FAR2: variants seen among roughly 807,000 people sequenced by gnomAD.
The protein encoded by FAR2 is fatty acyl-CoA reductase 2, also known as epididymis secretory protein Li 81.
Under a neutral mutation model 56.0 loss-of-function variants are expected in FAR2, and 19 were observed. The observed-to-expected ratio is 0.34, with a 90% CI of 0.24 to 0.50. The LOEUF (loss-of-function observed/expected upper bound fraction) is 0.50. Ranked by LOEUF, FAR2 falls within the 20% of genes least tolerant of loss-of-function variation. The probability of loss-of-function intolerance (pLI) is 0.98; values close to 1 mark genes in which losing one functional copy is unlikely to be tolerated. For missense variants in FAR2, 508 were observed against 642.2 expected, an observed-to-expected ratio of 0.79 and a Z score of 2.26; for synonymous variants, 219 against 218.8, an observed-to-expected ratio of 1.00 and a Z score of -0.01.
chr12:29,178,055 A>G (rs992001851), intron 1 of FAR2, among the ~76,000 whole-genome samples: 5 of 152,174 alleles, frequency 3.3e-5, no homozygotes, highest in African/African-American at 7.2e-5. Context: ...ATCTCATGTG[A>G]GACACACACT....
At chr12:29,194,843 G>T (rs1387257676) in intron 1 of FAR2, among the ~76,000 whole-genome samples, 1 of 152,100 alleles carries the variant, frequency 6.6e-6, no homozygotes, top group Non-Finnish European at 1.5e-5. Flanking sequence ...AAAGATGTCT[G>T]CAGTCAAACG....
chr12:29,221,607 C>A (rs1218260782), intron 1 of FAR2, among the ~76,000 whole-genome samples: 2 of 151,500 alleles, frequency 1.3e-5, no homozygotes, highest in Admixed American at 6.6e-5. Context: ...TCAAGTTTGT[C>A]AAATTATTTT....
Position 29,211,310 on chromosome 12 carries a change from C to A in FAR2, c.-38-59102C>A, listed in dbSNP as rs1189455360. 9.2e-5 allele frequency among the ~76,000 whole-genome samples: 14 copies of A among 152,112 alleles called. 1 individual carries two copies. The highest frequency in any genetic ancestry group is 8.5e-4 in the Admixed American group (13 of 15,266). ...CGTCTCAAAAAGAAAAAAAGAATAT[C>A]TTGAATATCTTGTGGGTGTTCTTAC... is the stretch of plus-strand genomic sequence containing the variant. On this transcript the variant is annotated intron_variant, in intron 1 of 11. Coordinates refer to ENST00000536681, the MANE Select transcript of FAR2 (RefSeq NM_001271783.2).
At position 29,321,906 on chromosome 12, in the gene FAR2, G is replaced by C. The variant is rs761114728; in HGVS notation, c.1239G>C (p.Leu413=). The C allele has an allele frequency of 4.3e-6, 7 of 1,613,050 alleles. No homozygotes were observed. In the East Asian group the frequency reaches 1.6e-4, roughly 36 times the overall value. ...TYNTEMLMSE[L]SPEDQRVFNF... ...ATACAGAAATGCTGATGTCTGAGCT[G>C]AGTCCTGAAGACCAGAGAGTAAGTA... Residue 413 remains leucine (L), a synonymous_variant, in exon 10 of 12, where the codon CTG becomes CTC. Transcript: ENST00000536681.
chr12:29,158,721 C>T (rs745869476), intron 1 of FAR2, among the ~76,000 whole-genome samples: 2 of 152,218 alleles, frequency 1.3e-5, no homozygotes, highest in Non-Finnish European at 2.9e-5. Flanking sequence ...ATCTTGTCTA[C>T]AGTACATAGT....
chr12:29,261,073 C>T (rs143543811), intron 1 of FAR2, among the ~76,000 whole-genome samples: 3 of 152,312 alleles, frequency 2.0e-5, no homozygotes, highest in African/African-American at 7.2e-5. Context: ...CAATAAATAC[C>T]TGATGCTTAA....
intron 1 of FAR2, among the ~76,000 whole-genome samples, chr12:29,250,867 C>T (rs1206345992): frequency 6.6e-6 from 1 of 152,170 alleles, no homozygotes; most frequent in Non-Finnish European, 1.5e-5. Flanking sequence ...TGTGATCACC[C>T]TTCCTGAAAA....
At chr12:29,262,397 C>T (rs1460475379) in intron 1 of FAR2, among the ~76,000 whole-genome samples, 1 of 151,992 alleles carries the variant, frequency 6.6e-6, no homozygotes, top group Non-Finnish European at 1.5e-5. Flanking sequence ...TTGAGAGACC[C>T]AGGCAGGCAG....
At chr12:29,254,715 G>A (rs1948287576) in intron 1 of FAR2, among the ~76,000 whole-genome samples, 1 of 152,148 alleles carries the variant, frequency 6.6e-6, no homozygotes, top group South Asian at 2.1e-4. Flanking sequence ...ACTTTGGGAG[G>A]CCGAGGCAGG....
chr12:29,270,292 ACTGT>A, intron 1 of FAR2, 116 bp from the exon 2 acceptor site: 1 of 645,436 alleles, frequency 1.5e-6, no homozygotes, highest in Non-Finnish European at 2.5e-6. Flanking sequence ...CGATGCTCTC[ACTGT>A]CTGACCTATT....
intron 1 of FAR2, among the ~76,000 whole-genome samples, chr12:29,226,393 AC>A (rs2136644981): frequency 6.6e-6 from 1 of 152,320 alleles, no homozygotes; most frequent in African/African-American, 2.4e-5. Context: ...GAACTCTTGT[AC>A]TTTTCATTTA....
At chr12:29,323,936 A>C (rs1203410848) in intron 10 of FAR2, among the ~76,000 whole-genome samples, 2 of 152,174 alleles carry the variant, frequency 1.3e-5, no homozygotes, top group Non-Finnish European at 2.9e-5. Context: ...GCTTCAGAAG[A>C]TCAAATTACT....
intron 1 of FAR2, among the ~76,000 whole-genome samples, chr12:29,150,959 A>G (rs1949677271): frequency 6.6e-6 from 1 of 152,224 alleles, no homozygotes; most frequent in African/African-American, 2.4e-5. Context: ...CTAAAATGTG[A>G]CATCCAGTTA....
intron 1 of FAR2, among the ~76,000 whole-genome samples, chr12:29,168,096 A>G (rs1260060484): frequency 6.6e-6 from 1 of 152,218 alleles, no homozygotes. Context: ...TGGGATCTTG[A>G]TAACGTGTCA....
intron 4 of FAR2, among the ~76,000 whole-genome samples, chr12:29,306,590 A>G (rs1167697747): frequency 2.0e-5 from 3 of 152,228 alleles, no homozygotes; most frequent in African/African-American, 7.2e-5. Context: ...TCGGCAGCTT[A>G]ATTTTTAAAA....
chr12:29,251,985 T>A (rs1252718824), intron 1 of FAR2, among the ~76,000 whole-genome samples: 1 of 152,254 alleles, frequency 6.6e-6, no homozygotes. Flanking sequence ...TTGAAGGTCT[T>A]AGTTCGAGAG....
chr12:29,216,234 C>A (rs1394757098), intron 1 of FAR2, among the ~76,000 whole-genome samples: 1 of 152,216 alleles, frequency 6.6e-6, no homozygotes, highest in African/African-American at 2.4e-5. Flanking sequence ...TTCAGGGAAG[C>A]CTTTTTAGAA....
intron 1 of FAR2, chr12:29,171,711 G>C (rs1949888370): frequency 6.7e-6 from 1 of 150,328 alleles, no homozygotes; most frequent in African/African-American, 2.5e-5. Flanking sequence ...CATGTGAGGA[G>C]CACCTCGGAC....
At chr12:29,228,667 A>G (rs1947806450) in intron 1 of FAR2, among the ~76,000 whole-genome samples, 1 of 152,172 alleles carries the variant, frequency 6.6e-6, no homozygotes, top group Non-Finnish European at 1.5e-5. Context: ...GACTCACTGC[A>G]GTCTCTGCCT....
Sources: gnomAD v4.1 joint callset for allele counts (sites outside exome capture counted in the v4.1 genomes callset) on GRCh38, gnomAD v4.1.1 for gene constraint, MANE v1.5 for transcripts, NCBI Gene and HGNC (gene_info 2026-07-23, HGNC 2026-07-21) for gene names.